NFATC4: variants seen among roughly 807,000 people sequenced by gnomAD.
NFATC4 encodes nuclear factor of activated T cells 4.
A neutral mutation model predicts 73.4 loss-of-function variants in NFATC4; 25 were observed. That is an observed-to-expected ratio of 0.34 (90% CI 0.25 to 0.48). NFATC4 has a LOEUF of 0.48. Among genes scored for constraint, NFATC4 ranks in the 20% least tolerant of loss-of-function variants. The probability of loss-of-function intolerance (pLI) is 0.99; values close to 1 mark genes in which losing one functional copy is unlikely to be tolerated. For missense variants in NFATC4, 1,130 were observed against 1,203.7 expected (o/e 0.94, Z 0.91); for synonymous variants, 523 against 510.3 (o/e 1.02, Z -0.34).
chr14:24,377,513 G>A lies in NFATC4; in HGVS notation c.2642-125G>A. The A allele has an allele frequency of 7.3e-6, 11 of 1,509,868 alleles. No homozygotes were observed. The highest frequency in any genetic ancestry group is 9.7e-6 in the Non-Finnish European group (11 of 1,131,224). The allele number at this position is 1,509,868 out of a possible 1,614,324, so 93.5% of individuals were successfully genotyped here. A position where few individuals can be genotyped will look rare whatever the true frequency, so the allele number is the denominator to read the frequency against. ...GAAACTGAGGCCCAGTGGAATAGAA[G>A]CCAGTAGAGGAGGAATCTAGAGGCC... On this transcript the variant is annotated intron_variant, in intron 9 of 9. Transcript: ENST00000250373. The surrounding 1 kb of genome is among the most constrained non-coding windows in gnomAD (Gnocchi z 4.2).
At chr14:24,367,729 C>A, upstream of NFATC4, 1 of 1,485,402 alleles carries the variant, frequency 6.7e-7, no homozygotes, top group Admixed American at 2.2e-5. Context: ...CCCTCCTGGC[C>A]TCAGGCTTGG....
intron 2 of NFATC4, among the ~76,000 whole-genome samples, 160 bp downstream of exon 2, chr14:24,370,754 A>C (rs2042454004): frequency 6.6e-6 from 1 of 152,210 alleles, no homozygotes; most frequent in Non-Finnish European, 1.5e-5. Context: ...TTTTAAAGAG[A>C]ACTAGAAAAA....
At chr14:24,367,478 A>G (rs2042337949), upstream of NFATC4, 4 of 1,535,596 alleles carry the variant, frequency 2.6e-6, no homozygotes, top group Admixed American at 5.9e-5. Context: ...ATCTACGCCC[A>G]TCAAGGGCTG....
chr14:24,375,996 C>G lies in NFATC4; in HGVS notation c.1951C>G (p.Pro651Ala). The change falls in exon 8 of 10, where the codon CCC (proline) becomes GCC (alanine). Residue 651 changes from proline (P) to alanine (A), a missense_variant. Physicochemically the swap from Pro to Ala is conservative, Grantham distance 27. Around this residue, in one of 3 missense-constraint regions of NFATC4, gnomAD observed 390 missense variants for 408.1 expected, o/e 0.96. Coordinates refer to ENST00000250373, the MANE Select transcript of NFATC4 (RefSeq NM_004554.5). ...CTAGGTGACGCTGACCCTGACTGTC[C>G]CCGAGTACAGCAACAAGAGGGTTTC... ...SNEVTLTLTV[P>A]EYSNKRVSRP... The G allele has an allele frequency of 6.2e-7, 1 of 1,613,998 alleles. No individual in the cohort carries two copies. The highest frequency in any genetic ancestry group is 8.5e-7 in the Non-Finnish European group (1 of 1,179,944).
At position 24,376,358 on chromosome 14, in the gene NFATC4, C is replaced by T. The variant is rs1330641542; in HGVS notation, c.2121C>T (p.Thr707=). The stretch of plus-strand genomic sequence containing the variant: ...GGGGTTTCCCTTCAGCATCGGCAAC[C>T]CCCTTTGGCACTGACATGGACTTCT... ...SLRGFPSASA[T]PFGTDMDFSP... is the part of the protein sequence containing the mutation. The change falls in exon 9 of 10, where the codon ACC becomes ACT. Residue 707 remains threonine (T), a synonymous_variant. Coordinates refer to ENST00000250373, the MANE Select transcript of NFATC4 (RefSeq NM_004554.5). This position sits in a 1 kb window ranked among gnomAD's most constrained non-coding sequence, Gnocchi z 5.0. 1 of 1,608,282 alleles carries T rather than the reference C, an allele frequency of 6.2e-7. No homozygotes were observed. Among genetic ancestry groups the T allele is most frequent in the Non-Finnish European group, 8.5e-7 (1 of 1,177,256 alleles).
Position 24,376,680 on chromosome 14 carries a change from C to T in NFATC4, c.2443C>T (p.Pro815Ser). 1 of 1,613,718 alleles carries T rather than the reference C, an allele frequency of 6.2e-7. No homozygotes were observed. Among genetic ancestry groups the T allele is most frequent in the South Asian group, 1.1e-5 (1 of 91,046 alleles). ...TCCGCCAGCCCCCTTTCGGCCGCCT[C>T]CTCTTCCTGCATCCCCACCGCTTGA... ...FSPPAPFRPPPLPASPPLEGP... is the reference protein window; with the variant it reads ...FSPPAPFRPPSLPASPPLEGP... Residue 815 changes from proline (P) to serine (S), a missense_variant, in exon 9 of 10, where the codon CCT (proline) becomes TCT (serine). Pro to Ser is a moderately conservative substitution (Grantham distance 74). Coordinates refer to ENST00000250373, the MANE Select transcript of NFATC4 (RefSeq NM_004554.5). This position sits in a 1 kb window ranked among gnomAD's most constrained non-coding sequence, Gnocchi z 5.0.
rs1451677725 is a variant in NFATC4, at chr14:24,373,780, C to T, written c.1645C>T (p.Arg549Cys). The T allele has an allele frequency of 6.2e-6, 10 of 1,614,058 alleles. No individual in the cohort carries two copies. The highest frequency in any genetic ancestry group is 2.2e-5 in the East Asian group (1 of 44,896). Residue 549 changes from arginine to cysteine, a missense_variant, in exon 5 of 10, where the codon CGT becomes TGT. Physicochemically the swap from Arg to Cys is radical, Grantham distance 180 (BLOSUM62 -3). This residue lies in a region of NFATC4 where 155 missense variants were observed against 221.2 expected (regional missense o/e 0.70). Transcript: ENST00000250373. This position sits in a 1 kb window ranked among gnomAD's most constrained non-coding sequence, Gnocchi z 4.7. Reference sequence around the variant, plus strand: ...GACGGACATCGGGCGCAAAAACACACGTGTACGGCTGGTGTTCCGGGTACA... The same window carrying T: ...GACGGACATCGGGCGCAAAAACACATGTGTACGGCTGGTGTTCCGGGTACA... The part of the protein sequence containing the change: ...GETDIGRKNT[R>C]VRLVFRVHVP...
rs2139312798 is a variant in NFATC4 at position 24,376,662 on chromosome 14, G to C, written c.2425G>C (p.Ala809Pro). ...FSLGLPFSPPAPFRPPPLPAS... is the reference protein window; with the variant it reads ...FSLGLPFSPPPPFRPPPLPAS... ...CCTGGGGCTGCCATTCTCTCCGCCA[G>C]CCCCCTTTCGGCCGCCTCCTCTTCC... Residue 809 changes from alanine to proline, a missense_variant, in exon 9 of 10, where the codon GCC (alanine) becomes CCC (proline). Coordinates refer to ENST00000250373, the MANE Select transcript of NFATC4 (RefSeq NM_004554.5). This position sits in a 1 kb window ranked among gnomAD's most constrained non-coding sequence, Gnocchi z 5.0. 6.2e-7 allele frequency: 1 copy of C among 1,613,364 alleles called. No individual in the cohort carries two copies. Among genetic ancestry groups the C allele is most frequent in the South Asian group, 1.1e-5 (1 of 91,050 alleles).
chr14:24,368,949 TG>T, intron 1 of NFATC4: 1 of 724,526 alleles, frequency 1.4e-6, no homozygotes, highest in Non-Finnish European at 1.7e-6. Flanking sequence ...CGCTGCCCGC[TG>T]CCCCCCTTCC....
rs376027676 is a variant in NFATC4, at chr14:24,374,286, G to T, written c.1733-40G>T. On this transcript the variant is annotated intron_variant, in intron 5 of 9. Transcript: ENST00000250373. ...GGGACAGAGGAGGCCACCCCTCCATGCCCAGCCCAGCCAGTCCTCTTCCTT... is the reference window on the plus strand; with the variant it reads ...GGGACAGAGGAGGCCACCCCTCCATTCCCAGCCCAGCCAGTCCTCTTCCTT... 6.9e-5 allele frequency: 108 copies of T among 1,573,900 alleles called. No individual in the cohort carries two copies. The East Asian group carries it at 2.4e-3, about 34-fold the overall frequency.
chr14:24,370,091 G>C lies in NFATC4; in HGVS notation c.693G>C (p.Trp231Cys). Residue 231 changes from tryptophan (W) to cysteine (C), a missense_variant, in exon 2 of 10, where the codon TGG becomes TGC. Physicochemically the swap from Trp to Cys is radical, Grantham distance 215. Coordinates refer to ENST00000250373, the MANE Select transcript of NFATC4 (RefSeq NM_004554.5). ...GGCCATGGACCCCCGAAGATCCCTG[G>C]AGCCTGTATGGTCCAAGCCCCGGAG... is the stretch of plus-strand genomic sequence containing the variant. ...SPRPWTPEDP[W>C]SLYGPSPGGR... is the part of the protein sequence containing the mutation. 1 of 1,604,846 alleles carries C rather than the reference G, an allele frequency of 6.2e-7. No homozygotes were observed. The highest frequency in any genetic ancestry group is 1.3e-5 in the African/African-American group (1 of 75,040).
Position 24,370,152 on chromosome 14 carries a change from G to C in NFATC4, c.754G>C (p.Ala252Pro), listed in dbSNP as rs1428663921. 21 of 1,603,764 alleles carry C rather than the reference G, an allele frequency of 1.3e-5. No individual in the cohort carries two copies. Among genetic ancestry groups the C allele is most frequent in the Non-Finnish European group, 1.5e-5 (18 of 1,179,684 alleles). ...AGAGGATAGCTGGCTACTCCTCAGT[G>C]CTCCTGGGCCCACCCCAGCCTCCCC... ...GPEDSWLLLS[A>P]PGPTPASPRP... The change falls in exon 2 of 10, where the codon GCT (alanine) becomes CCT (proline). Residue 252 changes from alanine to proline, a missense_variant. By Grantham distance (27) the Ala-to-Pro change is conservative. Coordinates refer to ENST00000250373, the MANE Select transcript of NFATC4 (RefSeq NM_004554.5).
chr14:24,373,779 A>G lies in NFATC4; in HGVS notation c.1644A>G (p.Thr548=), dbSNP rs1243081452. The G allele has an allele frequency of 6.2e-7, 1 of 1,614,102 alleles. No homozygotes were observed. The highest frequency in any genetic ancestry group is 8.5e-7 in the Non-Finnish European group (1 of 1,180,012). The change falls in exon 5 of 10, where the codon ACA becomes ACG. Residue 548 remains threonine, a synonymous_variant. Coordinates refer to ENST00000250373, the MANE Select transcript of NFATC4 (RefSeq NM_004554.5). This position sits in a 1 kb window ranked among gnomAD's most constrained non-coding sequence, Gnocchi z 4.7. The part of the protein sequence containing the change: ...KGETDIGRKN[T]RVRLVFRVHV... ...AGACGGACATCGGGCGCAAAAACAC[A>G]CGTGTACGGCTGGTGTTCCGGGTAC...
Position 24,377,598 on chromosome 14 carries a change from C to T in NFATC4, c.2642-40C>T. 6.2e-7 allele frequency: 1 copy of T among 1,613,828 alleles called. No homozygotes were observed. Among genetic ancestry groups the T allele is most frequent in the Non-Finnish European group, 8.5e-7 (1 of 1,179,898 alleles). ...GTGGGTCTTTGGAAAAGGAGGGGAC[C>T]CACCTCTAGCCCAGTCTCTCAACTG... On this transcript the variant is annotated intron_variant, in intron 9 of 9. Transcript: ENST00000250373. This position sits in a 1 kb window ranked among gnomAD's most constrained non-coding sequence, Gnocchi z 4.2.
chr14:24,378,284 G>T lies in NFATC4; in HGVS notation c.*579G>T, dbSNP rs2042682937. 6.3e-6 allele frequency: 1 copy of T among 157,616 alleles called. No homozygotes were observed. 9.8% of individuals were successfully genotyped at this position (157,616 alleles called of 1,614,324 possible). A position where few individuals can be genotyped will look rare whatever the true frequency, so the allele number is the denominator to read the frequency against. On this transcript the variant is annotated 3_prime_UTR_variant, in exon 10 of 10. Coordinates refer to ENST00000250373, the MANE Select transcript of NFATC4 (RefSeq NM_004554.5). ...AGTAGGCCTCTCCACTCTCCTCCTT[G>T]GGGGTCCAGATTCCTTAGGAGCTTT...
At chr14:24,367,116 C>T (rs751846443), upstream of NFATC4, 3 of 1,614,022 alleles carry the variant, frequency 1.9e-6, no homozygotes, top group Non-Finnish European at 8.5e-7. Context: ...CACCGAGTCA[C>T]GAATCTCCCA....
chr14:24,374,259 T>C, intron 5 of NFATC4, 67 bp from the exon 6 acceptor site: 1 of 1,544,526 alleles, frequency 6.5e-7, no homozygotes, highest in African/African-American at 1.4e-5. Flanking sequence ...CCAAAGAGGG[T>C]GGGGACAGAG....
In NFATC4 at chr14:24,378,134, G is replaced by A. The variant is rs979784104; in HGVS notation, c.*429G>A. ...CCTGGCCCAAGGAGGCCCAGAAGTT[G>A]GAAAGAGATGGAATGTGGCTGGGAA... is the stretch of plus-strand genomic sequence containing the variant. On this transcript the variant is annotated 3_prime_UTR_variant, in exon 10 of 10. Transcript: ENST00000250373. 2 of 187,454 alleles carry A rather than the reference G, an allele frequency of 1.1e-5. No homozygotes were observed. The highest frequency in any genetic ancestry group is 4.6e-5 in the African/African-American group (2 of 43,402). The allele number at this position is 187,454 out of a possible 1,614,324, so 11.6% of individuals were successfully genotyped here. A position where few individuals can be genotyped will look rare whatever the true frequency, so the allele number is the denominator to read the frequency against.
In NFATC4 at chr14:24,368,467, TG is replaced by T. The variant is rs1273261679; in HGVS notation, c.100+31del. The T allele has an allele frequency of 5.7e-6, 7 of 1,231,282 alleles. No individual in the cohort carries two copies. The African/African-American group carries it at 1.2e-4, about 21-fold the overall frequency. 76.3% of individuals were successfully genotyped at this position (1,231,282 alleles called of 1,614,324 possible). Reference sequence around the variant, plus strand: ...TTAGTGCTGGGCTGGGAAGGGGTCTTGGGGTCAGTGAGAGGAGGGCCGGGGA... The same window carrying T: ...TTAGTGCTGGGCTGGGAAGGGGTCTTGGGTCAGTGAGAGGAGGGCCGGGGA... On this transcript the variant is annotated intron_variant, in intron 1 of 9. Transcript: ENST00000250373.
Sources: gnomAD v4.1 joint callset for allele counts (sites outside exome capture counted in the v4.1 genomes callset) on GRCh38, gnomAD v4.1.1 for gene constraint, gnomAD v4.1.1 regional missense constraint, Gnocchi (gnomAD v3.1) non-coding constraint, MANE v1.5 for transcripts, NCBI Gene and HGNC (gene_info 2026-07-23, HGNC 2026-07-21) for gene names.